SLC16A6: variants seen among roughly 807,000 people sequenced by gnomAD.
The protein encoded by SLC16A6 is solute carrier family 16 member 6.
Under a neutral mutation model 33.8 loss-of-function variants are expected in SLC16A6, and 15 were observed. That is an observed-to-expected ratio of 0.44 (90% CI 0.30 to 0.68). The LOEUF (loss-of-function observed/expected upper bound fraction) is 0.68, where lower values mean the gene tolerates loss of function less well. Ranked by LOEUF, SLC16A6 falls within the 30% of genes least tolerant of loss-of-function variation. SLC16A6 has a pLI of 0.10. For missense variants in SLC16A6, 451 were observed against 661.5 expected (o/e 0.68, Z 3.49); for synonymous variants, 219 against 248.4 (o/e 0.88, Z 1.11).
rs1253456737 is a variant in SLC16A6 at position 68,267,833 on chromosome 17, T to A, written c.*1263A>T. 6.6e-6 allele frequency: 1 copy of A among 152,252 alleles called. No individual in the cohort carries two copies. The highest frequency in any genetic ancestry group is 1.5e-5 in the Non-Finnish European group (1 of 68,044). 9.4% of individuals were successfully genotyped at this position (152,252 alleles called of 1,614,324 possible). A position where few individuals can be genotyped will look rare whatever the true frequency, so the allele number is the denominator to read the frequency against. On this transcript the variant is annotated 3_prime_UTR_variant, in exon 6 of 6. Transcript: ENST00000580666. ...GGCAACTTAGACCAATCAAGTCATG[T>A]GTTATAGAAGATGTAAATTGCAACT...
chr17:68,290,837 A>G (rs908373234), intron 1 of SLC16A6, among the ~76,000 whole-genome samples: 36 of 152,122 alleles, frequency 2.4e-4, no homozygotes, highest in African/African-American at 7.7e-4. Flanking sequence ...CCGGGACCCA[A>G]CTGTACCAGG....
chr17:68,269,992 CAG>C (rs560171012), intron 5 of SLC16A6, among the ~76,000 whole-genome samples: 8 of 152,160 alleles, frequency 5.3e-5, no homozygotes, highest in African/African-American at 1.7e-4. Context: ...TATCTTTTGA[CAG>C]GGGGTACGAT....
chr17:68,274,663 T>G (rs2145004251), intron 2 of SLC16A6: 1 of 152,352 alleles, frequency 6.6e-6, no homozygotes, highest in South Asian at 2.1e-4. Context: ...GTATTGAATT[T>G]ATGTTATTCT....
chr17:68,279,419 C>G (rs1339540522), intron 1 of SLC16A6, among the ~76,000 whole-genome samples: 1 of 152,042 alleles, frequency 6.6e-6, no homozygotes, highest in African/African-American at 2.4e-5. Flanking sequence ...CACTATAAAT[C>G]AAAATGAGGG....
At chr17:68,281,156 C>T (rs927685526) in intron 1 of SLC16A6, among the ~76,000 whole-genome samples, 8 of 151,124 alleles carry the variant, frequency 5.3e-5, no homozygotes, top group Admixed American at 5.3e-4. Context: ...GAAAAGACAA[C>T]CCACAGAAGG....
chr17:68,288,941 C>T (rs1223510642), intron 1 of SLC16A6, among the ~76,000 whole-genome samples: 2 of 152,148 alleles, frequency 1.3e-5, no homozygotes, highest in African/African-American at 4.8e-5. Context: ...TGGGGGTTCC[C>T]GGCAGCCATC....
intron 1 of SLC16A6, among the ~76,000 whole-genome samples, chr17:68,282,051 C>T (rs886556247): frequency 1.1e-4 from 16 of 152,120 alleles, no homozygotes; most frequent in African/African-American, 2.9e-4. Flanking sequence ...CACATGCACA[C>T]GTATGTTTAT....
intron 4 of SLC16A6, among the ~76,000 whole-genome samples, chr17:68,272,429 A>G (rs1359944232): frequency 2.8e-4 from 43 of 152,232 alleles, no homozygotes; most frequent in African/African-American, 9.9e-4. Context: ...CCAGTTAGGA[A>G]TTGAAACCTA....
chr17:68,270,878 T>C lies in SLC16A6; in HGVS notation c.1282A>G (p.Ile428Val). ...MSSAAGVYIFIQSIAGLAGPP... is the reference protein window; with the variant it reads ...MSSAAGVYIFVQSIAGLAGPP... ...CCAGCCAGTCCTGCTATGCTCTGAA[T>C]GAAGATGTAGACCCCAGCTGCAGAA... The change falls in exon 5 of 6, where the codon ATT (isoleucine) becomes GTT (valine). Residue 428 changes from isoleucine to valine, a missense_variant. Ile to Val is a conservative substitution (Grantham distance 29, BLOSUM62 3). Transcript: ENST00000580666. 6.2e-7 allele frequency: 1 copy of C among 1,614,146 alleles called. No individual in the cohort carries two copies. Among genetic ancestry groups the C allele is most frequent in the Non-Finnish European group, 8.5e-7 (1 of 1,179,996 alleles).
chr17:68,281,285 C>G (rs1435388812), intron 1 of SLC16A6, among the ~76,000 whole-genome samples: 2 of 151,618 alleles, frequency 1.3e-5, no homozygotes, highest in Non-Finnish European at 3.0e-5. Flanking sequence ...AATGGGTGAA[C>G]AGGCTGGTGG....
chr17:68,273,175 T>G (rs1443866664), intron 3 of SLC16A6, among the ~76,000 whole-genome samples: 2 of 152,104 alleles, frequency 1.3e-5, no homozygotes, highest in African/African-American at 4.8e-5. Context: ...CTATCATCTA[T>G]GAGGAATATA....
chr17:68,275,021 C>T (rs573476419), intron 2 of SLC16A6, among the ~76,000 whole-genome samples: 7 of 152,260 alleles, frequency 4.6e-5, no homozygotes, highest in African/African-American at 1.7e-4. Context: ...CTCAGGTGAT[C>T]CGCCCACCTC....
At chr17:68,277,194 T>C (rs2075551211) in intron 2 of SLC16A6, among the ~76,000 whole-genome samples, 2 of 151,970 alleles carry the variant, frequency 1.3e-5, no homozygotes, top group Non-Finnish European at 2.9e-5. Flanking sequence ...TGCAATGGCA[T>C]GATCTGGGCT....
intron 2 of SLC16A6, chr17:68,274,274 C>A: frequency 2.2e-6 from 1 of 445,930 alleles, no homozygotes. Context: ...AAGACTAGCC[C>A]GGGCAACATG....
In SLC16A6 at chr17:68,274,109, G is replaced by C. The variant is rs199620287; in HGVS notation, c.233-39C>G. 265 of 1,599,546 alleles carry C rather than the reference G, an allele frequency of 1.7e-4. 2 individuals carry two copies. The Admixed American group carries it at 1.9e-3, about 11-fold the overall frequency. On this transcript the variant is annotated intron_variant, in intron 2 of 5. Coordinates refer to ENST00000580666, the MANE Select transcript of SLC16A6 (RefSeq NM_004694.5). ...ACAAAACGATATTTTAACTCACAGA[G>C]GCTTCAGGGTTAGCTGCCATAAGAC...
In SLC16A6 at chr17:68,269,309, G is replaced by C. The variant is rs781885385; in HGVS notation, c.1359C>G (p.Ala453=). 1.4e-5 allele frequency: 17 copies of C among 1,255,716 alleles called. No homozygotes were observed. The South Asian group carries it at 2.0e-4, about 15-fold the overall frequency. The allele number at this position is 1,255,716 out of a possible 1,614,324, so 77.8% of individuals were successfully genotyped here. A position where few individuals can be genotyped will look rare whatever the true frequency, so the allele number is the denominator to read the frequency against. The change falls in exon 6 of 6, where the codon GCC becomes GCG. Residue 453 remains alanine, a synonymous_variant. Coordinates refer to ENST00000580666, the MANE Select transcript of SLC16A6 (RefSeq NM_004694.5). The part of the protein sequence containing the change: ...LVDQSKIYSR[A]FYSCAAGMAL... ...CCATGCCAGCTGCGCAGGAGTAGAA[G>C]GCCCTGCTGTAGATCTTACTTTGGT...
chr17:68,290,233 G>C (rs782489304), intron 1 of SLC16A6, among the ~76,000 whole-genome samples: 7 of 152,150 alleles, frequency 4.6e-5, no homozygotes, highest in African/African-American at 7.2e-5. Context: ...TTGGCTCCGG[G>C]GAGCTTTTTC....
intron 3 of SLC16A6, 135 bp downstream of exon 3, chr17:68,273,792 G>A (rs2075420565): frequency 2.8e-6 from 3 of 1,082,292 alleles, no homozygotes; most frequent in South Asian, 1.6e-5. Context: ...CAAAACTACT[G>A]ATCTGAGACA....
chr17:68,281,503 A>T (rs959065900), intron 1 of SLC16A6, among the ~76,000 whole-genome samples: 6 of 152,146 alleles, frequency 3.9e-5, no homozygotes, highest in Non-Finnish European at 7.4e-5. Context: ...TGAACCTGGG[A>T]GGTGGAGGTT....
Sources: allele counts gnomAD v4.1 joint callset (sites outside exome capture counted in the v4.1 genomes callset), GRCh38; gene constraint gnomAD v4.1.1; transcripts MANE v1.5; gene names NCBI Gene and HGNC (gene_info 2026-07-23, HGNC 2026-07-21).